The following COA1 variants were observed in gnomAD, a reference collection of about 807,000 sequenced individuals.
COA1 encodes the protein cytochrome c oxidase assembly factor 1 homolog.
A neutral mutation model predicts 16.0 loss-of-function variants in COA1; 13 were observed. The observed-to-expected ratio is 0.81, with a 90% confidence interval of 0.53 to 1.29. The LOEUF is 1.29. Among genes scored for constraint, COA1 ranks in the 50% most tolerant of loss-of-function variants. The pLI is 0.00. For missense variants in COA1, 179 were observed against 177.0 expected, an observed-to-expected ratio of 1.01 and a Z score of -0.06; for synonymous variants, 65 against 65.7, an observed-to-expected ratio of 0.99 and a Z score of 0.05.
chr7:43,712,685 T>C (rs556420400), intron 1 of COA1, among the ~76,000 whole-genome samples: 2 of 152,310 alleles, frequency 1.3e-5, no homozygotes, highest in South Asian at 4.1e-4. Flanking sequence ...ATTTTCACCT[T>C]TTCATTTCCC....
intron 1 of COA1, among the ~76,000 whole-genome samples, chr7:43,673,667 T>C (rs1347783423): frequency 6.6e-6 from 1 of 152,182 alleles, no homozygotes; most frequent in Non-Finnish European, 1.5e-5. Context: ...GTATAAAAAT[T>C]GCTCTTCCAT....
intron 1 of COA1, among the ~76,000 whole-genome samples, chr7:43,700,598 G>GTC (rs1271657485): frequency 6.6e-6 from 1 of 150,630 alleles, no homozygotes; most frequent in African/African-American, 2.4e-5. Flanking sequence ...ATACGTGTGT[G>GTC]TGTGTGTGTG....
chr7:43,667,386 T>C (rs986415059), intron 1 of COA1, among the ~76,000 whole-genome samples: 1 of 152,234 alleles, frequency 6.6e-6, no homozygotes, highest in Non-Finnish European at 1.5e-5. Flanking sequence ...TCCAATCTTC[T>C]TTAAGTTATA....
chr7:43,675,034 A>G (rs1225669851), intron 1 of COA1, among the ~76,000 whole-genome samples: 1 of 152,190 alleles, frequency 6.6e-6, no homozygotes, highest in Non-Finnish European at 1.5e-5. Flanking sequence ...TTCTTCCCCA[A>G]CACAAACAGA....
At chr7:43,689,827 T>C (rs1308789349) in intron 1 of COA1, among the ~76,000 whole-genome samples, 2 of 152,174 alleles carry the variant, frequency 1.3e-5, no homozygotes, top group African/African-American at 4.8e-5. Context: ...GGCATATTAC[T>C]TAAATGTAGA....
At chr7:43,721,128 A>G (rs952087840) in intron 1 of COA1, among the ~76,000 whole-genome samples, 1 of 152,250 alleles carries the variant, frequency 6.6e-6, no homozygotes, top group Non-Finnish European at 1.5e-5. Flanking sequence ...ACAAAGGTTA[A>G]CCTTAAGGAA....
chr7:43,644,090 A>T (rs943668878), intron 4 of COA1, among the ~76,000 whole-genome samples: 2 of 152,070 alleles, frequency 1.3e-5, no homozygotes, highest in Non-Finnish European at 2.9e-5. Flanking sequence ...TATCACACTG[A>T]CAGGCGACAC....
intron 4 of COA1, chr7:43,641,990 G>A (rs2087267736): frequency 6.6e-6 from 1 of 152,202 alleles, no homozygotes; most frequent in Admixed American, 6.5e-5. Flanking sequence ...AGGGGCAGGG[G>A]AGGGAATTGG....
intron 6 of COA1, among the ~76,000 whole-genome samples, chr7:43,614,995 C>A (rs1766288714): frequency 6.6e-6 from 1 of 152,146 alleles, no homozygotes; most frequent in Non-Finnish European, 1.5e-5. Context: ...GTTTACTAAT[C>A]ACAAGAAAAT....
chr7:43,680,650 T>C (rs997535025), intron 1 of COA1, among the ~76,000 whole-genome samples: 1 of 152,208 alleles, frequency 6.6e-6, no homozygotes, highest in Non-Finnish European at 1.5e-5. Context: ...AAGCCTACGC[T>C]GTGGAACTAC....
downstream of COA1, among the ~76,000 whole-genome samples, chr7:43,636,724 T>G (rs933942738): frequency 6.6e-6 from 1 of 152,222 alleles, no homozygotes; most frequent in African/African-American, 2.4e-5. Flanking sequence ...GGTTGGTGAA[T>G]AGGGAATGTT....
intron 6 of COA1, among the ~76,000 whole-genome samples, chr7:43,622,049 G>A (rs907878071): frequency 2.0e-5 from 3 of 152,190 alleles, no homozygotes; most frequent in African/African-American, 7.2e-5. Flanking sequence ...TAGGGAATTT[G>A]TAAGGATTTC....
At chr7:43,698,653 CCTT>C (rs1466545361) in intron 1 of COA1, among the ~76,000 whole-genome samples, 1 of 152,160 alleles carries the variant, frequency 6.6e-6, no homozygotes, top group African/African-American at 2.4e-5. Context: ...GCTCTGACAA[CCTT>C]ATTATGCTAA....
chr7:43,684,018 A>G (rs932805563), intron 1 of COA1, among the ~76,000 whole-genome samples: 2 of 152,202 alleles, frequency 1.3e-5, no homozygotes, highest in African/African-American at 4.8e-5. Flanking sequence ...AATCACTTAC[A>G]TGTGCGATTG....
intron 1 of COA1, among the ~76,000 whole-genome samples, chr7:43,681,445 T>C (rs933483219): frequency 1.3e-5 from 2 of 152,224 alleles, no homozygotes; most frequent in African/African-American, 4.8e-5. Context: ...ATAAATCATA[T>C]TCAATATTAT....
At chr7:43,677,500 T>A (rs965795251) in intron 1 of COA1, among the ~76,000 whole-genome samples, 1 of 152,136 alleles carries the variant, frequency 6.6e-6, no homozygotes, top group Admixed American at 6.5e-5. Context: ...TGACAAAAAA[T>A]TGTATCTTTG....
chr7:43,644,791 C>CAGACAGAG (rs1563229816), intron 4 of COA1, among the ~76,000 whole-genome samples: 1 of 23,702 alleles, frequency 4.2e-5, no homozygotes, highest in African/African-American at 1.5e-4. Flanking sequence ...GGCAGGCAGG[C>CAGACAGAG]AGAGAGACAG....
At chr7:43,652,885 TG>T (rs1204334551) in intron 1 of COA1, among the ~76,000 whole-genome samples, 20 of 57,156 alleles carry the variant, frequency 3.5e-4, no homozygotes, top group African/African-American at 1.2e-3. Context: ...TGGGAGGGGG[TG>T]GGGGGACAGT....
chr7:43,679,750 G>GGAGTATGCAAGAAATGTA (rs1191547915), intron 1 of COA1, among the ~76,000 whole-genome samples: 2 of 152,110 alleles, frequency 1.3e-5, no homozygotes, highest in African/African-American at 4.8e-5. Context: ...CAAGGATAGT[G>GGAGTATGCAAGAAATGTA]GAGTATGCAA....
Sources: gnomAD v4.1 joint callset for allele counts (sites outside exome capture counted in the v4.1 genomes callset) on GRCh38, gnomAD v4.1.1 for gene constraint, MANE v1.5 for transcripts, NCBI Gene and HGNC (gene_info 2026-07-23, HGNC 2026-07-21) for gene names.